Variants in MAGI2 observed in about 807,000 individuals in gnomAD.
MAGI2 encodes membrane-associated guanylate kinase, WW and PDZ domain-containing protein 2.
A neutral mutation model predicts 133.3 loss-of-function variants in MAGI2; 35 were observed. The ratio of observed to expected loss-of-function variants is 0.26; its 90% CI spans 0.20 to 0.35. The LOEUF (loss-of-function observed/expected upper bound fraction) is 0.35, where lower values mean the gene tolerates loss of function less well. Ranked by LOEUF, MAGI2 falls within the 10% of genes least tolerant of loss-of-function variation. MAGI2 has a pLI of 1.00. For synonymous variants in MAGI2, 729 were observed against 710.6 expected (o/e 1.03, Z -0.41); for missense variants, 1,636 against 1,863.4 (o/e 0.88, Z 2.25).
intron 1 of MAGI2, among the ~76,000 whole-genome samples, chr7:79,026,871 A>C (rs1450342980): frequency 1.0e-5 from 1 of 97,776 alleles, no homozygotes; most frequent in African/African-American, 3.3e-5. Context: ...TCTCTGAAAA[A>C]AAAGAAAAAA....
At chr7:79,436,241 A>T (rs1848137865) in intron 1 of MAGI2, among the ~76,000 whole-genome samples, 1 of 151,796 alleles carries the variant, frequency 6.6e-6, no homozygotes, top group East Asian at 1.9e-4. Flanking sequence ...AAAAAAAAAA[A>T]AGTCCTTGAA....
intron 2 of MAGI2, among the ~76,000 whole-genome samples, chr7:78,976,155 T>C (rs1417890701): frequency 6.6e-6 from 1 of 151,576 alleles, no homozygotes; most frequent in East Asian, 1.9e-4. Context: ...CAATATCTCA[T>C]TAACATAGAT....
At chr7:78,258,557 G>A (rs984326187) in intron 9 of MAGI2, among the ~76,000 whole-genome samples, 9 of 151,732 alleles carry the variant, frequency 5.9e-5, no homozygotes, top group Non-Finnish European at 1.3e-4. Context: ...TTTGAGGTTT[G>A]TTATTTACAT....
At chr7:79,186,803 A>T (rs1044345812) in intron 1 of MAGI2, among the ~76,000 whole-genome samples, 9 of 147,662 alleles carry the variant, frequency 6.1e-5, no homozygotes, top group African/African-American at 2.2e-4. Flanking sequence ...ATATATATAT[A>T]TAAACATAGG....
intron 13 of MAGI2, among the ~76,000 whole-genome samples, chr7:78,179,610 G>A (rs1563223212): frequency 6.6e-6 from 1 of 152,196 alleles, no homozygotes; most frequent in Non-Finnish European, 1.5e-5. Context: ...AAGATTCAAT[G>A]AGCATTCATA....
chr7:79,142,788 T>C (rs932296622), intron 1 of MAGI2, among the ~76,000 whole-genome samples: 5 of 152,190 alleles, frequency 3.3e-5, no homozygotes, highest in African/African-American at 4.8e-5. Context: ...TCTGTTAAAT[T>C]GTTCCCACCC....
rs78387871 is a variant in MAGI2, at chr7:79,312,875, A to C, written c.301+140145T>G. The stretch of plus-strand genomic sequence containing the variant: ...GCAGTAACAATAAAGATGCAGTTGC[A>C]CCGTACAGGCACCCTCCTCCCCCTC... On this transcript the variant is annotated intron_variant, in intron 1 of 21. Coordinates refer to ENST00000354212, the MANE Select transcript of MAGI2 (RefSeq NM_012301.4). Among the ~76,000 whole-genome samples the C allele has an allele frequency of 6.4e-3, 973 of 152,248 alleles. 9 individuals are homozygous for C. Among genetic ancestry groups the C allele is most frequent in the African/African-American group, 0.021 (870 of 41,556 alleles).
chr7:78,210,953 T>C (rs977676355), intron 10 of MAGI2, among the ~76,000 whole-genome samples: 1 of 152,124 alleles, frequency 6.6e-6, no homozygotes, highest in Non-Finnish European at 1.5e-5. Flanking sequence ...GAAATGGTTA[T>C]GGGGTTGAAG....
At chr7:78,099,156 T>C (rs2151239428) in intron 20 of MAGI2, among the ~76,000 whole-genome samples, 1 of 152,286 alleles carries the variant, frequency 6.6e-6, no homozygotes, top group South Asian at 2.1e-4. Context: ...AGTTCCTAAC[T>C]CAAATATTTT....
chr7:78,672,523 A>G (rs184451088), intron 2 of MAGI2, among the ~76,000 whole-genome samples: 1 of 152,302 alleles, frequency 6.6e-6, no homozygotes. Flanking sequence ...TTCTCTGGAT[A>G]CCCATTCAAC....
At chr7:78,889,671 C>T (rs546802265) in intron 2 of MAGI2, among the ~76,000 whole-genome samples, 1 of 152,148 alleles carries the variant, frequency 6.6e-6, no homozygotes, top group Admixed American at 6.5e-5. Context: ...TACAGACAAG[C>T]AAATACTGAG....
chr7:78,055,449 T>A (rs539945536), intron 21 of MAGI2, among the ~76,000 whole-genome samples: 3 of 152,324 alleles, frequency 2.0e-5, no homozygotes, highest in Admixed American at 6.5e-5. Context: ...AGTATTTGTC[T>A]GTTTTGCAAG....
At chr7:78,989,238 C>T (rs889799439) in intron 2 of MAGI2, among the ~76,000 whole-genome samples, 1 of 152,046 alleles carries the variant, frequency 6.6e-6, no homozygotes, top group African/African-American at 2.4e-5. Context: ...AAAGAATTGG[C>T]TATGAGATAA....
At chr7:78,272,941 T>C (rs1308786940) in intron 9 of MAGI2, among the ~76,000 whole-genome samples, 1 of 152,218 alleles carries the variant, frequency 6.6e-6, no homozygotes, top group Non-Finnish European at 1.5e-5. Context: ...TTCGTTTACA[T>C]TTAAGGTTAA....
chr7:79,447,782 C>T (rs1848965447), intron 1 of MAGI2, among the ~76,000 whole-genome samples: 1 of 151,472 alleles, frequency 6.6e-6, no homozygotes, highest in Admixed American at 6.6e-5. Flanking sequence ...ATACAAATAG[C>T]CTTTTAACTT....
intron 1 of MAGI2, among the ~76,000 whole-genome samples, chr7:79,179,309 T>G (rs1349452392): frequency 6.6e-6 from 1 of 151,976 alleles, no homozygotes; most frequent in Non-Finnish European, 1.5e-5. Context: ...CATATAGTCA[T>G]GTAATGACCA....
At chr7:79,093,871 C>T (rs1817298387) in intron 1 of MAGI2, among the ~76,000 whole-genome samples, 1 of 151,870 alleles carries the variant, frequency 6.6e-6, no homozygotes, top group Non-Finnish European at 1.5e-5. Context: ...CCTGCCAACA[C>T]ACCCAGCTAA....
At position 78,368,458 on chromosome 7, in the gene MAGI2, C is replaced by T. The variant is rs550997428; in HGVS notation, c.1103+698G>A. On this transcript the variant is annotated intron_variant, in intron 7 of 21. Coordinates refer to ENST00000354212, the MANE Select transcript of MAGI2 (RefSeq NM_012301.4). ...CCCAAATAACTTTAGGAACATTATA[C>T]GATAGATAAGAATGAAAAACAATCG... 2.0e-5 allele frequency among the ~76,000 whole-genome samples: 3 copies of T among 152,054 alleles called. No homozygotes were observed. In the South Asian group the frequency reaches 6.2e-4, roughly 32 times the overall value.
intron 1 of MAGI2, among the ~76,000 whole-genome samples, chr7:79,145,032 G>C (rs1409014987): frequency 6.6e-6 from 1 of 152,094 alleles, no homozygotes. Flanking sequence ...GTTTGGAAAT[G>C]TTTTTCTAGG....
Sources: gnomAD v4.1 joint callset for allele counts (sites outside exome capture counted in the v4.1 genomes callset) on GRCh38, gnomAD v4.1.1 for gene constraint, MANE v1.5 for transcripts, NCBI Gene and HGNC (gene_info 2026-07-23, HGNC 2026-07-21) for gene names.